Variants in MAP3K19 observed in about 807,000 individuals in gnomAD.
MAP3K19 encodes SPS1/STE20-related protein kinase YSK4.
In MAP3K19, 91 loss-of-function variants were observed where a neutral mutation model predicts 114.4. The ratio of observed to expected loss-of-function variants is 0.80; its 90% confidence interval spans 0.67 to 0.95. The LOEUF is 0.95. Among genes scored for constraint, MAP3K19 ranks in the 40% least tolerant of loss-of-function variants. The pLI is 0.00. For synonymous variants in MAP3K19, 518 were observed against 530.5 expected, an observed-to-expected ratio of 0.98 and a Z score of 0.32; for missense variants, 1,471 against 1,573.2, an observed-to-expected ratio of 0.94 and a Z score of 1.10.
chr2:135,044,900 T>C lies in MAP3K19; in HGVS notation c.-424+2285A>G, dbSNP rs185578486. 3.3e-5 allele frequency among the ~76,000 whole-genome samples: 5 copies of C among 152,328 alleles called. No individual in the cohort carries two copies. The East Asian group carries it at 9.6e-4, about 29-fold the overall frequency. On this transcript the variant is annotated intron_variant, in intron 1 of 12. Coordinates refer to ENST00000392915, the MANE Select transcript of MAP3K19 (RefSeq NM_025052.5). ...TGGTTTTTAATTTACACAAATAATA[T>C]TGTACTCTAGATCTTGTTAATTATT...
intron 3 of MAP3K19, among the ~76,000 whole-genome samples, chr2:135,025,372 C>CTTTTTTTTTTTTTTTTTTTTTT: frequency 1.4e-5 from 1 of 70,138 alleles, no homozygotes. Flanking sequence ...ATGGCCTTTT[C>CTTTTTTTTTTTTTTTTTTTTTT]TTTTCTTTTT....
chr2:135,028,643 G>A (rs947688439), intron 3 of MAP3K19, among the ~76,000 whole-genome samples: 6 of 152,004 alleles, frequency 3.9e-5, no homozygotes, highest in African/African-American at 1.4e-4. Context: ...AATGTAATTT[G>A]ATGCCTTAAT....
At chr2:134,997,561 C>T (rs761953178) in intron 8 of MAP3K19, among the ~76,000 whole-genome samples, 5 of 152,136 alleles carry the variant, frequency 3.3e-5, no homozygotes, top group African/African-American at 1.2e-4. Flanking sequence ...TGGCTCACAC[C>T]TGTAATCCCA....
intron 12 of MAP3K19, among the ~76,000 whole-genome samples, chr2:134,979,332 A>T (rs1048914289): frequency 1.3e-5 from 2 of 151,996 alleles, no homozygotes; most frequent in Non-Finnish European, 1.5e-5. Flanking sequence ...CTTCACAATA[A>T]CCCTGTTAAT....
chr2:135,021,473 TACACAC>T (rs111431630), intron 5 of MAP3K19, among the ~76,000 whole-genome samples: 39 of 146,666 alleles, frequency 2.7e-4, no homozygotes, highest in East Asian at 1.6e-3. Context: ...CACACACACA[TACACAC>T]ACACACACAC....
rs1457007837 is a variant in MAP3K19, at chr2:135,033,826, G to T, written c.-283-3326C>A. Among the ~76,000 whole-genome samples, 43 of 19,610 alleles carry T rather than the reference G, an allele frequency of 2.2e-3. 4 individuals are homozygous for T. Among genetic ancestry groups the T allele is most frequent in the Admixed American group, 7.7e-3 (16 of 2,078 alleles). 12.9% of individuals were successfully genotyped at this position (19,610 alleles called of 152,430 possible). ...ACGGGGTGGCTGGCCGGGCGGGGGG[G>T]CTGACCCCCCCACCTCCCTCCCGGA... is the stretch of plus-strand genomic sequence containing the variant. On this transcript the variant is annotated intron_variant, in intron 2 of 12. Coordinates refer to ENST00000392915, the MANE Select transcript of MAP3K19 (RefSeq NM_025052.5).
intron 5 of MAP3K19, among the ~76,000 whole-genome samples, chr2:135,019,942 C>T (rs867948998): frequency 6.6e-6 from 1 of 152,112 alleles, no homozygotes. Flanking sequence ...AGAATGATAA[C>T]CAGGGCCACG....
Position 134,964,661 on chromosome 2 carries a change from G to A in MAP3K19, c.*189C>T. The A allele has an allele frequency of 6.7e-6, 3 of 445,538 alleles. No homozygotes were observed. Among genetic ancestry groups the A allele is most frequent in the South Asian group, 1.1e-4 (2 of 19,004 alleles). 27.6% of individuals were successfully genotyped at this position (445,538 alleles called of 1,614,324 possible). ...AAGAACATGTTTTCTGATACTATGA[G>A]TAATAATGTCTGACACTTGAGGAGG... On this transcript the variant is annotated 3_prime_UTR_variant, in exon 13 of 13. Coordinates refer to ENST00000392915, the MANE Select transcript of MAP3K19 (RefSeq NM_025052.5).
rs1559149627 is a variant in MAP3K19 at position 134,986,207 on chromosome 2, T to TA, written c.2664dup (p.Asn889Ter). On this transcript the variant is annotated frameshift_variant, in exon 10 of 13. Coordinates refer to ENST00000392915, the MANE Select transcript of MAP3K19 (RefSeq NM_025052.5). LOFTEE classifies it high-confidence loss of function. ...GAAACACTATCAAACTCTAGATCAT[T>TA]AGTTAAAATTCGGCTGGCATTTACT... 3 of 1,613,898 alleles carry TA rather than the reference T, an allele frequency of 1.9e-6. No homozygotes were observed. In the East Asian group the frequency reaches 6.7e-5, roughly 36 times the overall value.
intron 5 of MAP3K19, among the ~76,000 whole-genome samples, chr2:135,009,094 G>A (rs1687034021): frequency 6.7e-6 from 1 of 150,280 alleles, no homozygotes; most frequent in African/African-American, 2.4e-5. Context: ...TGGGGTTACA[G>A]GTGCCCACCA....
At chr2:135,021,108 C>T (rs1244493925) in intron 5 of MAP3K19, among the ~76,000 whole-genome samples, 1 of 151,994 alleles carries the variant, frequency 6.6e-6, no homozygotes, top group Non-Finnish European at 1.5e-5. Flanking sequence ...CAGGCACGCT[C>T]ACCCAGAGTA....
intron 5 of MAP3K19, among the ~76,000 whole-genome samples, chr2:135,009,586 T>C (rs1238489445): frequency 6.6e-6 from 1 of 152,194 alleles, no homozygotes; most frequent in Non-Finnish European, 1.5e-5. Flanking sequence ...AGTTTCCATG[T>C]TGATTACTGG....
At chr2:134,983,060 G>A (rs1392497283) in intron 11 of MAP3K19, 6 of 377,306 alleles carry the variant, frequency 1.6e-5, no homozygotes, top group Admixed American at 6.7e-5. Flanking sequence ...TGTGTTGGGG[G>A]CATTTCAATC....
At chr2:134,983,520 G>A in intron 11 of MAP3K19, 156 bp downstream of exon 11, 1 of 621,496 alleles carries the variant, frequency 1.6e-6, no homozygotes. Context: ...CTTTCCCTCA[G>A]TGGTTGGATT....
chr2:134,968,693 G>A lies in MAP3K19; in HGVS notation c.3921-3777C>T, dbSNP rs7421815. On this transcript the variant is annotated intron_variant, in intron 12 of 12. Transcript: ENST00000392915. ...GACGGGGTCGCGGCCGGGCAGAGGC[G>A]CTCCTTACATCCCAGATGGGGCGGC... 0.025 allele frequency among the ~76,000 whole-genome samples: 3,761 copies of A among 148,434 alleles called. 327 individuals carry two copies. The East Asian group carries it at 0.34, about 14-fold the overall frequency.
At chr2:134,991,087 G>A (rs113558257) in intron 9 of MAP3K19, among the ~76,000 whole-genome samples, 4 of 151,952 alleles carry the variant, frequency 2.6e-5, no homozygotes, top group African/African-American at 9.7e-5. Context: ...GGATCACGAG[G>A]TCAGGAGATC....
At chr2:135,001,315 T>C (rs2105299253) in intron 6 of MAP3K19, among the ~76,000 whole-genome samples, 1 of 152,328 alleles carries the variant, frequency 6.6e-6, no homozygotes, top group Non-Finnish European at 1.5e-5. Context: ...TACTATACAA[T>C]TGCATGGAAC....
chr2:135,037,324 G>A (rs949150086), intron 2 of MAP3K19, among the ~76,000 whole-genome samples: 2 of 152,214 alleles, frequency 1.3e-5, no homozygotes, highest in African/African-American at 4.8e-5. Context: ...TGGTTTATGT[G>A]ATTTGTTCAG....
Position 134,987,406 on chromosome 2 carries a change from A to AT in MAP3K19, c.1465_1466insA (p.Phe489TyrfsTer26), listed in dbSNP as rs765504117. The AT allele has an allele frequency of 1.4e-5, 23 of 1,614,110 alleles. No individual in the cohort carries two copies. The highest frequency in any genetic ancestry group is 1.9e-5 in the Non-Finnish European group (22 of 1,180,024). On this transcript the variant is annotated frameshift_variant, in exon 10 of 13. Transcript: ENST00000392915. LOFTEE classifies it high-confidence loss of function. ...TTCCTTGGGGCTTCCATCCACAGGG[A>AT]AGGTGATGTGGATAAGAGGCACCAT...
Sources: gnomAD v4.1 joint callset for allele counts (sites outside exome capture counted in the v4.1 genomes callset) on GRCh38, gnomAD v4.1.1 for gene constraint, MANE v1.5 for transcripts, NCBI Gene and HGNC (gene_info 2026-07-23, HGNC 2026-07-21) for gene names.